Variants in CBLIF observed in about 807,000 individuals in gnomAD.
CBLIF encodes cobalamin binding intrinsic factor.
CBLIF carries 24 observed loss-of-function variants against 44.9 expected under a neutral mutation model. That is an observed-to-expected ratio of 0.53 (90% CI 0.39 to 0.75). The LOEUF (loss-of-function observed/expected upper bound fraction) is 0.75, where lower values mean the gene tolerates loss of function less well. Among genes scored for constraint, CBLIF ranks in the 30% least tolerant of loss-of-function variants. CBLIF has a pLI of 0.00. For synonymous variants in CBLIF, 183 were observed against 190.9 expected, an observed-to-expected ratio of 0.96 and a Z score of 0.34; for missense variants, 481 against 513.0, an observed-to-expected ratio of 0.94 and a Z score of 0.60.
chr11:59,834,163 T>G (rs1866410547), intron 7 of CBLIF, among the ~76,000 whole-genome samples: 1 of 152,224 alleles, frequency 6.6e-6, no homozygotes, highest in East Asian at 1.9e-4. Context: ...ATTTATTTTT[T>G]GCATGTCCTG....
chr11:59,845,227 A>G (rs773496865), intron 1 of CBLIF, 148 bp downstream of exon 1: 7 of 1,103,400 alleles, frequency 6.3e-6, no homozygotes, highest in South Asian at 2.6e-5. Flanking sequence ...TAAGTCAGGA[A>G]GGATGAACAG....
At position 59,832,617 on chromosome 11, in the gene CBLIF, G is replaced by A. The variant is rs948355703; in HGVS notation, c.1074-821C>T. On this transcript the variant is annotated intron_variant, in intron 7 of 8. Transcript: ENST00000257248. ...AGCCTTGGCAATATAGTGAAACCCCGTCTCTAACAAAAATACAAAAATTAG... is the reference window on the plus strand; with the variant it reads ...AGCCTTGGCAATATAGTGAAACCCCATCTCTAACAAAAATACAAAAATTAG... Among the ~76,000 whole-genome samples the A allele has an allele frequency of 3.3e-5, 5 of 151,792 alleles. No individual in the cohort carries two copies. In the South Asian group the frequency reaches 6.2e-4, roughly 19 times the overall value.
Position 59,845,385 on chromosome 11 carries a change from CTG to C in CBLIF, c.67_68del (p.Gln23GlufsTer86), listed in dbSNP as rs1323772405. The C allele has an allele frequency of 6.2e-7, 1 of 1,611,994 alleles. No individual in the cohort carries two copies. Among genetic ancestry groups the C allele is most frequent in the Admixed American group, 1.7e-5 (1 of 60,004 alleles). On this transcript the variant is annotated frameshift_variant, in exon 1 of 9. Transcript: ENST00000257248. LOFTEE classifies it high-confidence loss of function. ...WATAGTSTQT[Q>X]SSCSVPSAQE... ...AAACATCATACTCACAGCATGAACTCTGGGTCTGGGTACTAGTCCCAGCTGTA... is the reference window on the plus strand; with the variant it reads ...AAACATCATACTCACAGCATGAACTCGGTCTGGGTACTAGTCCCAGCTGTA...
intron 7 of CBLIF, among the ~76,000 whole-genome samples, chr11:59,834,697 C>T (rs945230919): frequency 6.6e-5 from 10 of 151,930 alleles, no homozygotes; most frequent in African/African-American, 9.7e-5. Flanking sequence ...TGGACTATAC[C>T]GCCAAAAGCC....
rs770530971 is a variant in CBLIF, at chr11:59,842,516, GTTC to G, written c.435_437del (p.Lys145del). 3,395 of 1,614,012 alleles carry G rather than the reference GTTC, an allele frequency of 2.1e-3. 3 individuals are homozygous for G. The highest frequency in any genetic ancestry group is 2.6e-3 in the Non-Finnish European group (3,098 of 1,180,012). ...CGGCTATCGGCAAGGTCGCCTCAGAGTTCTTCTGGCACAGTGCCAAGATCGCTA... is the reference window on the plus strand; with the variant it reads ...CGGCTATCGGCAAGGTCGCCTCAGAGTTCTGGCACAGTGCCAAGATCGCTA... On this transcript the variant is annotated inframe_deletion, in exon 4 of 9. Coordinates refer to ENST00000257248, the MANE Select transcript of CBLIF (RefSeq NM_005142.3).
Position 59,842,553 on chromosome 11 carries a change from C to T in CBLIF, c.401G>A (p.Gly134Glu), listed in dbSNP as rs774124626. 1.2e-6 allele frequency: 2 copies of T among 1,613,834 alleles called. No homozygotes were observed. The highest frequency in any genetic ancestry group is 2.2e-5 in the East Asian group (1 of 44,850). The change falls in exon 4 of 9, where the codon GGG (glycine) becomes GAG (glutamate). Residue 134 changes from glycine to glutamate, a missense_variant. By Grantham distance (98) the Gly-to-Glu change is moderately conservative. Coordinates refer to ENST00000257248, the MANE Select transcript of CBLIF (RefSeq NM_005142.3). ...SPNAEASAFY[G>E]PSLAILALCQ... ...CAGTGCCAAGATCGCTAGACTGGGCCCATAGAAGGCTGATGCTTCAGCGTT... is the reference window on the plus strand; with the variant it reads ...CAGTGCCAAGATCGCTAGACTGGGCTCATAGAAGGCTGATGCTTCAGCGTT...
intron 2 of CBLIF, 118 bp from the exon 3 acceptor site, chr11:59,843,259 G>A (rs565291941): frequency 5.7e-6 from 4 of 704,138 alleles, no homozygotes; most frequent in Non-Finnish European, 1.1e-5. Flanking sequence ...AATAATATGA[G>A]CAGTTCTTTG....
At position 59,834,240 on chromosome 11, in the gene CBLIF, TTTTCTTTCTTTCTTTCTTTC is replaced by T. The variant is rs57364350; in HGVS notation, c.1073+1548_1073+1567del. On this transcript the variant is annotated intron_variant, in intron 7 of 8. Transcript: ENST00000257248. ...CCTTTCTGTTTCTTTCTTTCTTTCT[TTTTCTTTCTTTCTTTCTTTC>T]TTTCTTTCTTTCTTTCTTTCTTTCT... 4.8e-4 allele frequency among the ~76,000 whole-genome samples: 55 copies of T among 115,234 alleles called. 1 individual carries two copies. Among genetic ancestry groups the T allele is most frequent in the Middle Eastern group, 4.3e-3 (1 of 230 alleles). 75.6% of individuals were successfully genotyped at this position (115,234 alleles called of 152,430 possible).
chr11:59,838,518 CG>C (rs1866483061), intron 5 of CBLIF, among the ~76,000 whole-genome samples: 1 of 152,096 alleles, frequency 6.6e-6, no homozygotes, highest in African/African-American at 2.4e-5. Context: ...GAGTCAGAAA[CG>C]GCTGTCTCAG....
chr11:59,835,637 G>C (rs985290041), intron 7 of CBLIF, among the ~76,000 whole-genome samples, 171 bp downstream of exon 7: 4 of 152,162 alleles, frequency 2.6e-5, no homozygotes, highest in Non-Finnish European at 5.9e-5. Flanking sequence ...TGACTTATAT[G>C]ATTTAAGTTT....
chr11:59,833,643 G>T (rs1012040039), intron 7 of CBLIF, among the ~76,000 whole-genome samples: 1 of 152,148 alleles, frequency 6.6e-6, no homozygotes, highest in Non-Finnish European at 1.5e-5. Context: ...GAACCGGGTG[G>T]AATAGATACC....
At chr11:59,834,252 CTTTCTTTCTTTCTT>C (rs1378916676) in intron 7 of CBLIF, among the ~76,000 whole-genome samples, 7 of 90,904 alleles carry the variant, frequency 7.7e-5, no homozygotes, top group African/African-American at 2.5e-4. Flanking sequence ...TTCTTTCTTT[CTTTCTTTCTTTCTT>C]TCTTTCTTTC....
In CBLIF at chr11:59,845,443, A is replaced by C; in HGVS notation, c.11T>G (p.Phe4Cys). The change falls in exon 1 of 9, where the codon TTT becomes TGT. Residue 4 changes from phenylalanine to cysteine, a missense_variant. Phe to Cys is a radical substitution (Grantham distance 205). Coordinates refer to ENST00000257248, the MANE Select transcript of CBLIF (RefSeq NM_005142.3). Reference protein sequence around the residue: MAWFALYLLSLLWA... With the variant: MAWCALYLLSLLWA... Reference sequence around the variant, plus strand: ...GAGAAGGCTCAGGAGGTAGAGGGCAAACCAGGCCATCTCACTCTCTCGTCT... The same window carrying C: ...GAGAAGGCTCAGGAGGTAGAGGGCACACCAGGCCATCTCACTCTCTCGTCT... 6.2e-7 allele frequency: 1 copy of C among 1,608,136 alleles called. No individual in the cohort carries two copies. The highest frequency in any genetic ancestry group is 1.1e-5 in the South Asian group (1 of 90,982).
At position 59,843,013 on chromosome 11, in the gene CBLIF, C is replaced by A; in HGVS notation, c.370+15G>T. ...CATATGCCTGACTCTTTTCTCCCTT[C>A]CAGTCAGGTCTTACTGGAAGGTGCC... On this transcript the variant is annotated intron_variant, in intron 3 of 8. Coordinates refer to ENST00000257248, the MANE Select transcript of CBLIF (RefSeq NM_005142.3). The A allele has an allele frequency of 1.4e-6, 2 of 1,415,764 alleles. No individual in the cohort carries two copies. Among genetic ancestry groups the A allele is most frequent in the Non-Finnish European group, 2.0e-6 (2 of 999,456 alleles). 87.7% of individuals were successfully genotyped at this position (1,415,764 alleles called of 1,614,324 possible). A position where few individuals can be genotyped will look rare whatever the true frequency, so the allele number is the denominator to read the frequency against.
intron 8 of CBLIF, among the ~76,000 whole-genome samples, chr11:59,829,891 G>A (rs941468469): frequency 6.6e-6 from 1 of 152,218 alleles, no homozygotes; most frequent in African/African-American, 2.4e-5. Context: ...ACCTAATACA[G>A]TACCTGACAC....
Position 59,831,773 on chromosome 11 carries a change from C to G in CBLIF, c.1097G>C (p.Trp366Ser), listed in dbSNP as rs1342618237. 1 of 1,596,988 alleles carries G rather than the reference C, an allele frequency of 6.3e-7. No individual in the cohort carries two copies. Among genetic ancestry groups the G allele is most frequent in the Admixed American group, 1.7e-5 (1 of 59,976 alleles). Reference sequence around the variant, plus strand: ...GTTGATAGAAGAGACGACAAGGCCCCAAGATGTCATTGTGGTTTCAAATCT... The same window carrying G: ...GTTGATAGAAGAGACGACAAGGCCCGAAGATGTCATTGTGGTTTCAAATCT... The part of the protein sequence containing the change: ...MFKFETTMTS[W>S]GLVVSSINNI... The change falls in exon 8 of 9, where the codon TGG becomes TCG. Residue 366 changes from tryptophan (W) to serine (S), a missense_variant. Trp to Ser is a radical substitution (Grantham distance 177). Coordinates refer to ENST00000257248, the MANE Select transcript of CBLIF (RefSeq NM_005142.3).
chr11:59,831,387 A>C (rs895714538), intron 8 of CBLIF: 3 of 162,712 alleles, frequency 1.8e-5, no homozygotes, highest in African/African-American at 7.2e-5. Context: ...TGCCTTGTAC[A>C]AGACCCTTTA....
rs1590853479 is a variant in CBLIF, at chr11:59,829,494, G to A, written c.1244C>T (p.Thr415Ile). The change falls in exon 9 of 9, where the codon ACA becomes ATA. Residue 415 changes from threonine (T) to isoleucine (I), a missense_variant. Coordinates refer to ENST00000257248, the MANE Select transcript of CBLIF (RefSeq NM_005142.3). The stretch of plus-strand genomic sequence containing the variant: ...GAACCCACCTCTTCGTTAGTACTGT[G>A]TGAAATTGGCTGTGATGTGCTCGTG... ...FNHEHITANF[T>I]QY 6.2e-7 allele frequency: 1 copy of A among 1,607,536 alleles called. No homozygotes were observed. The highest frequency in any genetic ancestry group is 2.2e-5 in the East Asian group (1 of 44,844).
At position 59,844,027 on chromosome 11, in the gene CBLIF, G is replaced by A. The variant is rs1359044249; in HGVS notation, c.108C>T (p.Val36=). The A allele has an allele frequency of 1.2e-6, 2 of 1,613,840 alleles. No homozygotes were observed. Among genetic ancestry groups the A allele is most frequent in the Non-Finnish European group, 1.7e-6 (2 of 1,179,768 alleles). The change falls in exon 2 of 9, where the codon GTC becomes GTT. Residue 36 remains valine, a synonymous_variant. Coordinates refer to ENST00000257248, the MANE Select transcript of CBLIF (RefSeq NM_005142.3). The part of the protein sequence containing the change: ...CSVPSAQEPL[V]NGIQVLMENS... ...TCTCCATGAGTACTTGTATTCCATT[G>A]ACCAAGGGCTCCTGTGCTGAGGGAA...
Sources: gnomAD v4.1 joint callset for allele counts (sites outside exome capture counted in the v4.1 genomes callset) on GRCh38, gnomAD v4.1.1 for gene constraint, MANE v1.5 for transcripts, NCBI Gene and HGNC (gene_info 2026-07-23, HGNC 2026-07-21) for gene names.